RAB44: variants seen among roughly 807,000 people sequenced by gnomAD.
RAB44 encodes RAB44, member RAS oncogene family, also known as ras-related protein Rab-44.
In RAB44, 67 loss-of-function variants were observed where a neutral mutation model predicts 93.3. That is an observed-to-expected ratio of 0.72 (90% CI 0.59 to 0.88). The LOEUF is 0.88. RAB44 is among the 40% of genes least tolerant of loss of function. RAB44 has a pLI of 0.00. For missense variants in RAB44, 1,064 were observed against 1,261.7 expected, an observed-to-expected ratio of 0.84 and a Z score of 2.37; for synonymous variants, 427 against 520.3, an observed-to-expected ratio of 0.82 and a Z score of 2.44.
At chr6:36,729,913 C>T (rs907395773) in intron 12 of RAB44, among the ~76,000 whole-genome samples, 5 of 152,148 alleles carry the variant, frequency 3.3e-5, no homozygotes, top group Admixed American at 2.0e-4. Flanking sequence ...AACGTACAAT[C>T]GAACAGGTTT....
intron 9 of RAB44, among the ~76,000 whole-genome samples, chr6:36,725,418 G>A (rs1683157974): frequency 6.6e-6 from 1 of 152,198 alleles, no homozygotes. Flanking sequence ...GGAAAGAGAG[G>A]CTCACAGAGG....
chr6:36,728,525 A>T (rs1426961171), intron 11 of RAB44, among the ~76,000 whole-genome samples, 175 bp from the exon 12 acceptor site: 5 of 151,758 alleles, frequency 3.3e-5, no homozygotes, highest in Non-Finnish European at 7.4e-5. Context: ...AATAAGTGAG[A>T]TGTTTATCAG....
chr6:36,727,104 T>C (rs1763255896), intron 10 of RAB44, among the ~76,000 whole-genome samples: 1 of 152,240 alleles, frequency 6.6e-6, no homozygotes, highest in Admixed American at 6.5e-5. Flanking sequence ...CCCAGCCCGA[T>C]AGGGAAATTT....
intron 3 of RAB44, 147 bp downstream of exon 3, chr6:36,714,086 T>C (rs1476512069): frequency 1.1e-5 from 7 of 617,020 alleles, no homozygotes; most frequent in Non-Finnish European, 2.0e-5. Context: ...TCCGGGGCCC[T>C]CCCCTGTGCA....
intron 7 of RAB44, 67 bp downstream of exon 7, chr6:36,718,655 C>T (rs1762989201): frequency 2.7e-6 from 2 of 746,446 alleles, no homozygotes; most frequent in South Asian, 1.3e-4. Context: ...ACCTCAGTTT[C>T]CTATCAGAGA....
In RAB44 at chr6:36,722,057, G is replaced by A. The variant is rs187138613; in HGVS notation, c.1923G>A (p.Val641=). ...AGCAGGGCCAGGCGGGCCCAGCGGT[G>A]CAGGAGGGCCTTCCTGAGGGGCTAA... ...RLEQGQAGPA[V]QEGLPEGLRE... Residue 641 remains valine, a synonymous_variant, in exon 9 of 14, where the codon GTG becomes GTA. Transcript: ENST00000612677. The A allele has an allele frequency of 3.0e-4, 367 of 1,234,760 alleles. 4 individuals are homozygous for A. In the East Asian group the frequency reaches 6.9e-3, roughly 23 times the overall value. The allele number at this position is 1,234,760 out of a possible 1,614,324, so 76.5% of individuals were successfully genotyped here. A position where few individuals can be genotyped will look rare whatever the true frequency, so the allele number is the denominator to read the frequency against.
At position 36,712,608 on chromosome 6, in the gene RAB44, G is replaced by T. The variant is rs142526328; in HGVS notation, c.208-1220G>T. On this transcript the variant is annotated intron_variant, in intron 2 of 13. Coordinates refer to ENST00000612677, the MANE Select transcript of RAB44 (RefSeq NM_001257357.2). ...TCGAACTCCTGACCTCAAGTGATCT[G>T]CCCGCCTCGGCCTCTCAAAGTGCTG... Among the ~76,000 whole-genome samples, 903 of 152,150 alleles carry T rather than the reference G, an allele frequency of 5.9e-3. 9 individuals are homozygous for T. The highest frequency in any genetic ancestry group is 0.048 in the Middle Eastern group (14 of 294).
chr6:36,703,828 A>G lies in RAB44; in HGVS notation c.-12-396A>G, dbSNP rs1562051510. Among the ~76,000 whole-genome samples, 5 of 152,134 alleles carry G rather than the reference A, an allele frequency of 3.3e-5. No homozygotes were observed. In the South Asian group the frequency reaches 8.3e-4, roughly 25 times the overall value. ...GCTCAGAAGCTGCTTATGGCCCTTC[A>G]GACAGCTAGATCCTGGAAAACCCTG... On this transcript the variant is annotated intron_variant, in intron 1 of 13. Coordinates refer to ENST00000612677, the MANE Select transcript of RAB44 (RefSeq NM_001257357.2).
intron 11 of RAB44, 37 bp downstream of exon 11, chr6:36,727,728 C>A: frequency 7.4e-7 from 1 of 1,360,416 alleles, no homozygotes; most frequent in Non-Finnish European, 1.0e-6. Context: ...CCCAGTCCCT[C>A]CAGTCAAGAG....
Position 36,718,508 on chromosome 6 carries a change from C to G in RAB44, c.748C>G (p.Leu250Val). ...QLQAESDSRG[L>V]ALTSQMQDVL... Reference sequence around the variant, plus strand: ...TACTCCACAGAGCGACTCTCGGGGCCTGGCCCTCACCTCCCAGATGCAGGA... The same window carrying G: ...TACTCCACAGAGCGACTCTCGGGGCGTGGCCCTCACCTCCCAGATGCAGGA... Residue 250 changes from leucine (L) to valine (V), a missense_variant, in exon 7 of 14, where the codon CTG becomes GTG. Physicochemically the swap from Leu to Val is conservative, Grantham distance 32. Coordinates refer to ENST00000612677, the MANE Select transcript of RAB44 (RefSeq NM_001257357.2). 8.1e-7 allele frequency: 1 copy of G among 1,233,244 alleles called. No individual in the cohort carries two copies. The highest frequency in any genetic ancestry group is 1.0e-6 in the Non-Finnish European group (1 of 987,782). The allele number at this position is 1,233,244 out of a possible 1,614,324, so 76.4% of individuals were successfully genotyped here. A position where few individuals can be genotyped will look rare whatever the true frequency, so the allele number is the denominator to read the frequency against.
At chr6:36,708,290 C>A (rs1310178267) in intron 2 of RAB44, among the ~76,000 whole-genome samples, 1 of 151,662 alleles carries the variant, frequency 6.6e-6, no homozygotes, top group Non-Finnish European at 1.5e-5. Context: ...ATAAAGCATG[C>A]AATTTCTGAA....
chr6:36,724,620 A>G (rs1449417267), intron 9 of RAB44, among the ~76,000 whole-genome samples: 2 of 152,062 alleles, frequency 1.3e-5, no homozygotes, highest in African/African-American at 4.8e-5. Context: ...CAAGAAAAAC[A>G]CAGCTGCATA....
rs1763112343 is a variant in RAB44, at chr6:36,722,363, G to A, written c.2229G>A (p.Arg743=). The part of the protein sequence containing the change: ...GPTPGKSAPP[R]GSPPRGAQPG... ...CTCCTGGAAAATCGGCACCTCCAAG[G>A]GGCTCTCCTCCCAGGGGGGCTCAGC... Residue 743 remains arginine, a synonymous_variant, in exon 9 of 14, where the codon AGG becomes AGA. Coordinates refer to ENST00000612677, the MANE Select transcript of RAB44 (RefSeq NM_001257357.2). The A allele has an allele frequency of 7.4e-7, 1 of 1,344,400 alleles. No individual in the cohort carries two copies. The highest frequency in any genetic ancestry group is 9.5e-7 in the Non-Finnish European group (1 of 1,049,400). 83.3% of individuals were successfully genotyped at this position (1,344,400 alleles called of 1,614,324 possible). A position where few individuals can be genotyped will look rare whatever the true frequency, so the allele number is the denominator to read the frequency against.
chr6:36,723,324 G>T (rs890194670), intron 9 of RAB44, among the ~76,000 whole-genome samples: 2 of 152,164 alleles, frequency 1.3e-5, no homozygotes, highest in African/African-American at 2.4e-5. Context: ...TTCCTAGAGT[G>T]GTTGAGGACT....
chr6:36,731,966 G>T lies in RAB44; in HGVS notation c.2976-37G>T, dbSNP rs1206976548. The T allele has an allele frequency of 8.2e-7, 1 of 1,219,632 alleles. No individual in the cohort carries two copies. The allele number at this position is 1,219,632 out of a possible 1,614,324, so 75.6% of individuals were successfully genotyped here. A position where few individuals can be genotyped will look rare whatever the true frequency, so the allele number is the denominator to read the frequency against. ...GGCCCATCCGTGCTGCCCGTAGGAG[G>T]TGAGAGAGAGGCCTGATGCCTGGCA... On this transcript the variant is annotated intron_variant, in intron 13 of 13. Coordinates refer to ENST00000612677, the MANE Select transcript of RAB44 (RefSeq NM_001257357.2). This position sits in a 1 kb window ranked among gnomAD's most constrained non-coding sequence, Gnocchi z 4.0.
intron 4 of RAB44, among the ~76,000 whole-genome samples, chr6:36,716,734 T>C (rs79411187): frequency 0.017 from 2,569 of 152,252 alleles, 65 homozygotes; most frequent in African/African-American, 0.053. Context: ...TTTGTATTCA[T>C]TTGGCATCTT....
rs1225482765 is a variant in RAB44, at chr6:36,713,881, C to T, written c.261C>T (p.Asp87=). 1 of 1,535,984 alleles carries T rather than the reference C, an allele frequency of 6.5e-7. No individual in the cohort carries two copies. The highest frequency in any genetic ancestry group is 8.7e-7 in the Non-Finnish European group (1 of 1,146,874). ...AGGAAGAGTCAGAGATGATCTTCGA[C>T]TGGGTGGATGTGGAGCGGAAGGGAC... ...GSKEESEMIF[D]WVDVERKGHL... Residue 87 remains aspartate, a synonymous_variant, in exon 3 of 14, where the codon GAC becomes GAT. Transcript: ENST00000612677.
At chr6:36,715,746 C>G (rs886556277) in intron 4 of RAB44, 93 bp downstream of exon 4, 12 of 1,344,836 alleles carry the variant, frequency 8.9e-6, no homozygotes, top group Admixed American at 2.3e-5. Flanking sequence ...AGGGGGCAGG[C>G]GCCAGGTAGA....
chr6:36,702,338 G>GAGAGAGA (rs1201118344), intron 1 of RAB44, among the ~76,000 whole-genome samples: 637 of 58,284 alleles, frequency 0.011, 3 homozygotes, highest in East Asian at 0.029. Context: ...GAGAGAGAGA[G>GAGAGAGA]AATGTACTTC....
Sources: allele counts gnomAD v4.1 joint callset (sites outside exome capture counted in the v4.1 genomes callset), GRCh38; gene constraint gnomAD v4.1.1; non-coding constraint Gnocchi (gnomAD v3.1); transcripts MANE v1.5; gene names NCBI Gene and HGNC (gene_info 2026-07-23, HGNC 2026-07-21).